The following TTI1 variants were observed in gnomAD, a reference collection of about 807,000 sequenced individuals.
TTI1 encodes TELO2-interacting protein 1 homolog.
TTI1 carries 52 observed loss-of-function variants against 85.4 expected under a neutral mutation model. The ratio of observed to expected loss-of-function variants is 0.61; its 90% confidence interval spans 0.49 to 0.77. The LOEUF (loss-of-function observed/expected upper bound fraction) is 0.77, where lower values mean the gene tolerates loss of function less well. TTI1 is among the 30% of genes least tolerant of loss of function. The probability of loss-of-function intolerance (pLI) is 0.00; values close to 1 mark genes in which losing one functional copy is unlikely to be tolerated. For missense variants in TTI1, 1,173 were observed against 1,296.0 expected (o/e 0.91, Z 1.46); for synonymous variants, 512 against 503.9 (o/e 1.02, Z -0.22).
chr20:38,013,488 T>G lies in TTI1; in HGVS notation c.329A>C (p.Gln110Pro). 6.2e-7 allele frequency: 1 copy of G among 1,614,072 alleles called. No individual in the cohort carries two copies. Among genetic ancestry groups the G allele is most frequent in the Non-Finnish European group, 8.5e-7 (1 of 1,180,042 alleles). The change falls in exon 2 of 8, where the codon CAA becomes CCA. Residue 110 changes from glutamine to proline, a missense_variant. Transcript: ENST00000373447. ...LSACLYSPSS[Q>P]KPAAVSEELK... is the part of the protein sequence containing the mutation. ...CTCCTCGGACACAGCCGCAGGTTTT[T>G]GGGAGCTGGGTGAATACAGACAAGC...
intron 1 of TTI1, among the ~76,000 whole-genome samples, chr20:38,023,283 A>G (rs2073793803): frequency 1.3e-5 from 2 of 152,232 alleles, no homozygotes; most frequent in Non-Finnish European, 2.9e-5. Context: ...CCACTATACC[A>G]GAGGTTCCCA....
At chr20:38,006,541 A>G in intron 2 of TTI1, 144 bp from the exon 3 acceptor site, 2 of 828,192 alleles carry the variant, frequency 2.4e-6, no homozygotes, top group East Asian at 2.6e-5. Flanking sequence ...CCAGTTGCCC[A>G]TTAACTCATC....
intron 4 of TTI1, among the ~76,000 whole-genome samples, chr20:38,002,372 T>A (rs2073437963): frequency 1.3e-5 from 2 of 152,244 alleles, no homozygotes; most frequent in Non-Finnish European, 1.5e-5. Flanking sequence ...GGCTTTCTTT[T>A]CCTTGGAAAT....
chr20:38,013,462 A>T lies in TTI1; in HGVS notation c.355T>A (p.Leu119Met). The change falls in exon 2 of 8, where the codon TTG becomes ATG. Residue 119 changes from leucine (L) to methionine (M), a missense_variant. Leu to Met is a conservative substitution (Grantham distance 15). Transcript: ENST00000373447. ...AGTCCCTGGATCACAGCCAATTTCA[A>T]CTCCTCGGACACAGCCGCAGGTTTT... ...SQKPAAVSEE[L>M]KLAVIQGLST... 6.2e-7 allele frequency: 1 copy of T among 1,613,912 alleles called. No homozygotes were observed. Among genetic ancestry groups the T allele is most frequent in the South Asian group, 1.1e-5 (1 of 91,074 alleles).
intron 7 of TTI1, among the ~76,000 whole-genome samples, chr20:37,992,259 G>A (rs980330475): frequency 2.0e-5 from 3 of 152,106 alleles, no homozygotes; most frequent in African/African-American, 7.2e-5. Flanking sequence ...TATGAGACTT[G>A]TTGGGCACTG....
At chr20:37,986,756 G>A (rs2073195473) in intron 7 of TTI1, among the ~76,000 whole-genome samples, 1 of 152,340 alleles carries the variant, frequency 6.6e-6, no homozygotes, top group South Asian at 2.1e-4. Flanking sequence ...TCCAGAAAGA[G>A]AGAGAGAGGG....
chr20:38,025,447 T>A (rs1821520673), intron 1 of TTI1, among the ~76,000 whole-genome samples: 2 of 151,946 alleles, frequency 1.3e-5, no homozygotes, highest in African/African-American at 4.8e-5. Context: ...CGCGTGCCTG[T>A]AATCCCAGCT....
At chr20:37,988,043 C>A (rs868438324) in intron 7 of TTI1, among the ~76,000 whole-genome samples, 17 of 152,288 alleles carry the variant, frequency 1.1e-4, no homozygotes, top group Middle Eastern at 6.8e-3. Context: ...AAAGCCTGGT[C>A]CAGCCCAGGC....
intron 1 of TTI1, among the ~76,000 whole-genome samples, chr20:38,020,323 A>AAAATATATATATATAT: frequency 2.0e-3 from 101 of 50,342 alleles, no homozygotes; most frequent in East Asian, 8.6e-3. Context: ...AAAAAAAAAA[A>AAAATATATATATATAT]ATATATATAT....
intron 2 of TTI1, among the ~76,000 whole-genome samples, chr20:38,010,602 C>T (rs1161668588): frequency 3.3e-5 from 5 of 151,562 alleles, no homozygotes; most frequent in Non-Finnish European, 2.9e-5. Flanking sequence ...TCCCAAGTAG[C>T]TGGGACTACA....
intron 4 of TTI1, among the ~76,000 whole-genome samples, chr20:37,999,629 C>T (rs768461358): frequency 2.0e-4 from 30 of 152,040 alleles, no homozygotes; most frequent in Non-Finnish European, 3.7e-4. Context: ...TGCAAAGAAA[C>T]GAGGGGAAGG....
rs745339911 is a variant in TTI1 at position 38,012,541 on chromosome 20, G to A, written c.1276C>T (p.Gln426Ter). 2.5e-6 allele frequency: 4 copies of A among 1,614,106 alleles called. No homozygotes were observed. Among genetic ancestry groups the A allele is most frequent in the African/African-American group, 1.3e-5 (1 of 74,934 alleles). ...TGGATGAGTGCTTTGGAAAGCCGCTGGAGATGGGCCACAGAGTTGAGGACA... is the reference window on the plus strand; with the variant it reads ...TGGATGAGTGCTTTGGAAAGCCGCTAGAGATGGGCCACAGAGTTGAGGACA... ...NFVLNSVAHL[Q>*]RLSKALIQVL... Residue 426 changes from glutamine (Q) to a stop codon, truncating the protein, a stop_gained, in exon 2 of 8, where the codon CAG becomes TAG. Transcript: ENST00000373447. LOFTEE classifies it high-confidence loss of function.
In TTI1 at chr20:38,013,799, A is replaced by G. The variant is rs553999428; in HGVS notation, c.18T>C (p.Thr6=). ...GTAAGACACCAAAGGCCTCCTCAGG[A>G]GTATCAAAAACTGCCATTGTGCAGC... MAVFD[T]PEEAFGVLRP... Residue 6 remains threonine (T), a synonymous_variant, in exon 2 of 8, where the codon ACT becomes ACC. Coordinates refer to ENST00000373447, the MANE Select transcript of TTI1 (RefSeq NM_001303457.2). 9.3e-5 allele frequency: 150 copies of G among 1,612,026 alleles called. No individual in the cohort carries two copies. In the South Asian group the frequency reaches 1.5e-3, roughly 17 times the overall value.
chr20:38,023,401 TG>T (rs1430862021), intron 1 of TTI1, among the ~76,000 whole-genome samples: 2 of 152,214 alleles, frequency 1.3e-5, no homozygotes, highest in African/African-American at 4.8e-5. Flanking sequence ...CAGATATGCT[TG>T]GGAATCTACA....
chr20:37,994,337 G>C (rs896295265), intron 7 of TTI1, among the ~76,000 whole-genome samples: 1 of 152,152 alleles, frequency 6.6e-6, no homozygotes, highest in African/African-American at 2.4e-5. Context: ...GTTTCATCAT[G>C]TTGGCCAGGC....
chr20:38,027,242 A>G (rs1282457638), intron 1 of TTI1, among the ~76,000 whole-genome samples: 1 of 152,268 alleles, frequency 6.6e-6, no homozygotes, highest in Non-Finnish European at 1.5e-5. Flanking sequence ...GTATTTGCAT[A>G]TAACCCATGC....
rs1033066437 is a variant in TTI1 at position 38,012,905 on chromosome 20, C to T, written c.912G>A (p.Trp304Ter). Reference sequence around the variant, plus strand: ...GTTCTACCAGTTCCAGTCTCACCTTCCAGTGTGGGTGAACAGAAACACACT... The same window carrying T: ...GTTCTACCAGTTCCAGTCTCACCTTTCAGTGTGGGTGAACAGAAACACACT... The part of the protein sequence containing the change: ...IIECVSVHPH[W>*]KVRLELVELV... The change falls in exon 2 of 8, where the codon TGG becomes TGA. Residue 304 changes from tryptophan (W) to a stop codon, truncating the protein, a stop_gained. Coordinates refer to ENST00000373447, the MANE Select transcript of TTI1 (RefSeq NM_001303457.2). LOFTEE classifies it high-confidence loss of function. The T allele has an allele frequency of 1.2e-6, 2 of 1,614,058 alleles. No homozygotes were observed. Among genetic ancestry groups the T allele is most frequent in the African/African-American group, 1.3e-5 (1 of 74,922 alleles).
rs771883319 is a variant in TTI1 at position 37,999,275 on chromosome 20, C to G, written c.2706G>C (p.Gln902His). The G allele has an allele frequency of 9.8e-6, 15 of 1,524,708 alleles. No homozygotes were observed. The South Asian group carries it at 1.9e-4, about 19-fold the overall frequency. 94.4% of individuals were successfully genotyped at this position (1,524,708 alleles called of 1,614,324 possible). A position where few individuals can be genotyped will look rare whatever the true frequency, so the allele number is the denominator to read the frequency against. ...AGGCCTGATGAGCCAAGGGAAGCAG[C>G]TGGTTTTTGTGGGACTGAAGAACAA... ...CVVVLQSHKNQLLPLAHQAWP... is the reference protein window; with the variant it reads ...CVVVLQSHKNHLLPLAHQAWP... Residue 902 changes from glutamine to histidine, a missense_variant, in exon 5 of 8, where the codon CAG becomes CAC. Gln to His is a conservative substitution (Grantham distance 24). Coordinates refer to ENST00000373447, the MANE Select transcript of TTI1 (RefSeq NM_001303457.2).
chr20:37,998,068 T>C (rs1293925145), intron 5 of TTI1, among the ~76,000 whole-genome samples: 1 of 152,144 alleles, frequency 6.6e-6, no homozygotes, highest in African/African-American at 2.4e-5. Flanking sequence ...TAGCTGGGAT[T>C]ATAGGCGCCT....
Sources: allele counts gnomAD v4.1 joint callset (sites outside exome capture counted in the v4.1 genomes callset), GRCh38; gene constraint gnomAD v4.1.1; transcripts MANE v1.5; gene names NCBI Gene and HGNC (gene_info 2026-07-23, HGNC 2026-07-21).